The following ARHGEF28 variants were observed in gnomAD, a reference collection of about 807,000 sequenced individuals.
The protein encoded by ARHGEF28 is 190 kDa guanine nucleotide exchange factor.
ARHGEF28 carries 152 observed loss-of-function variants against 206.6 expected under a neutral mutation model. The ratio of observed to expected loss-of-function variants is 0.74; its 90% CI spans 0.64 to 0.84. The LOEUF (loss-of-function observed/expected upper bound fraction) is 0.84. Ranked by LOEUF, ARHGEF28 falls within the 40% of genes least tolerant of loss-of-function variation. The pLI is 0.00. For missense variants in ARHGEF28, 2,028 were observed against 2,073.2 expected (o/e 0.98, Z 0.42); for synonymous variants, 763 against 776.4 (o/e 0.98, Z 0.29).
intron 4 of ARHGEF28, among the ~76,000 whole-genome samples, chr5:73,770,881 C>T (rs566394624): frequency 1.3e-5 from 2 of 152,314 alleles, no homozygotes; most frequent in Admixed American, 1.3e-4. Context: ...GTTTACTGTT[C>T]TCTCTCATTG....
intron 1 of ARHGEF28, among the ~76,000 whole-genome samples, chr5:73,642,609 GT>G (rs754984018): frequency 5.4e-5 from 8 of 147,658 alleles, no homozygotes; most frequent in Non-Finnish European, 1.0e-4. Context: ...TTTTTTTTTT[GT>G]TCTGTTCTAC....
intron 1 of ARHGEF28, among the ~76,000 whole-genome samples, chr5:73,645,296 G>A (rs1047365943): frequency 2.0e-5 from 3 of 152,104 alleles, no homozygotes; most frequent in Non-Finnish European, 4.4e-5. Context: ...GACTGCAGAC[G>A]TGTACTGTAT....
Position 73,809,519 on chromosome 5 carries a change from A to G in ARHGEF28, c.1024+14128A>G, listed in dbSNP as rs546657111. Among the ~76,000 whole-genome samples, 13 of 152,314 alleles carry G rather than the reference A, an allele frequency of 8.5e-5. No homozygotes were observed. The South Asian group carries it at 2.7e-3, about 32-fold the overall frequency. On this transcript the variant is annotated intron_variant, in intron 9 of 35. Coordinates refer to ENST00000513042, the MANE Select transcript of ARHGEF28 (RefSeq NM_001177693.2). ...GATTTTTCTTTTTAGCTTGTGGTGC[A>G]CTAAAAATGTAAGACACAGTTCTTG... is the stretch of plus-strand genomic sequence containing the variant.
chr5:73,919,827 G>C (rs1763421313), intron 35 of ARHGEF28, among the ~76,000 whole-genome samples: 1 of 152,174 alleles, frequency 6.6e-6, no homozygotes, highest in Non-Finnish European at 1.5e-5. Context: ...TCATGGTTCA[G>C]CATCGCCAGA....
rs565625804 is a variant in ARHGEF28, at chr5:73,681,827, T to G, written c.-11-3014T>G. 3.9e-5 allele frequency among the ~76,000 whole-genome samples: 6 copies of G among 151,996 alleles called. No individual in the cohort carries two copies. In the East Asian group the frequency reaches 1.2e-3, roughly 29 times the overall value. On this transcript the variant is annotated intron_variant, in intron 1 of 35. Transcript: ENST00000513042. ...GAAACTCTGTCTCAAAAAAAAAAATTGATGATTATTTTCTGTAATCCCAGC... is the reference window on the plus strand; with the variant it reads ...GAAACTCTGTCTCAAAAAAAAAAATGGATGATTATTTTCTGTAATCCCAGC...
chr5:73,870,024 C>T lies in ARHGEF28; in HGVS notation c.2426-45C>T, dbSNP rs772417129. On this transcript the variant is annotated intron_variant, in intron 20 of 35. Coordinates refer to ENST00000513042, the MANE Select transcript of ARHGEF28 (RefSeq NM_001177693.2). ...ACAAATATACGAAGGTATATTTGTGCTGCATTATTGTACTTCTGGCTTTTC... is the reference window on the plus strand; with the variant it reads ...ACAAATATACGAAGGTATATTTGTGTTGCATTATTGTACTTCTGGCTTTTC... The T allele has an allele frequency of 4.4e-6, 7 of 1,589,976 alleles. No homozygotes were observed. In the East Asian group the frequency reaches 1.6e-4, roughly 36 times the overall value.
chr5:73,896,329 G>A (rs552226870), intron 29 of ARHGEF28, among the ~76,000 whole-genome samples: 1 of 152,336 alleles, frequency 6.6e-6, no homozygotes, highest in East Asian at 1.9e-4. Context: ...GGAGGCCAGA[G>A]TAGCAGATGT....
intron 2 of ARHGEF28, among the ~76,000 whole-genome samples, chr5:73,689,551 C>A (rs1355214007): frequency 1.3e-5 from 2 of 152,062 alleles, no homozygotes; most frequent in Non-Finnish European, 2.9e-5. Context: ...CCCTGAGTTG[C>A]AGTTGCAGAA....
intron 2 of ARHGEF28, among the ~76,000 whole-genome samples, chr5:73,740,007 A>AG (rs1437324213): frequency 1.5e-5 from 1 of 67,564 alleles, no homozygotes; most frequent in African/African-American, 6.3e-5. Context: ...TGTCTCTACC[A>AG]AAAAAAAAAA....
At chr5:73,874,737 A>G (rs1760346104) in intron 22 of ARHGEF28, among the ~76,000 whole-genome samples, 1 of 151,080 alleles carries the variant, frequency 6.6e-6, no homozygotes, top group Admixed American at 6.6e-5. Flanking sequence ...GTCCCTACAA[A>G]GGACATGAAC....
At chr5:73,745,446 T>G (rs888741841) in intron 2 of ARHGEF28, among the ~76,000 whole-genome samples, 1 of 152,068 alleles carries the variant, frequency 6.6e-6, no homozygotes, top group African/African-American at 2.4e-5. Context: ...ACCTTTTTGG[T>G]TCTCTGGGAA....
chr5:73,808,071 A>G (rs1397141596), intron 9 of ARHGEF28, among the ~76,000 whole-genome samples: 1 of 152,174 alleles, frequency 6.6e-6, no homozygotes, highest in African/African-American at 2.4e-5. Context: ...TTGTTCAAAT[A>G]AATAAAGGTA....
intron 22 of ARHGEF28, among the ~76,000 whole-genome samples, chr5:73,875,037 A>C (rs527970246): frequency 6.6e-4 from 100 of 151,426 alleles, no homozygotes; most frequent in Non-Finnish European, 1.9e-4. Context: ...TCCCACCAAC[A>C]GTGTAAAAGT....
chr5:73,875,263 G>A (rs1270630357), intron 22 of ARHGEF28, among the ~76,000 whole-genome samples: 1 of 151,686 alleles, frequency 6.6e-6, no homozygotes, highest in Non-Finnish European at 1.5e-5. Context: ...TTTTGATGGG[G>A]TTGTTTGTTT....
chr5:73,879,626 TTAG>T (rs1292922081), intron 22 of ARHGEF28, among the ~76,000 whole-genome samples: 2 of 152,204 alleles, frequency 1.3e-5, no homozygotes, highest in African/African-American at 4.8e-5. Flanking sequence ...TTTCTGTTTG[TTAG>T]TTTTCCTTCT....
At chr5:73,646,476 C>G (rs911613667) in intron 1 of ARHGEF28, among the ~76,000 whole-genome samples, 1 of 152,278 alleles carries the variant, frequency 6.6e-6, no homozygotes, top group African/African-American at 2.4e-5. Flanking sequence ...GCAGCATGTT[C>G]CTTGGTGTTC....
chr5:73,660,646 C>G (rs899324897), intron 1 of ARHGEF28, among the ~76,000 whole-genome samples: 1 of 152,142 alleles, frequency 6.6e-6, no homozygotes, highest in Non-Finnish European at 1.5e-5. Flanking sequence ...ACTCGTTGAT[C>G]CTTGGGCTGC....
intron 1 of ARHGEF28, among the ~76,000 whole-genome samples, chr5:73,642,156 T>A (rs774946028): frequency 1.3e-5 from 2 of 152,320 alleles, no homozygotes; most frequent in South Asian, 4.1e-4. Flanking sequence ...TTCCACTCAA[T>A]CCACTCAACT....
intron 9 of ARHGEF28, among the ~76,000 whole-genome samples, chr5:73,802,522 G>T (rs960252906): frequency 2.0e-5 from 3 of 152,032 alleles, no homozygotes; most frequent in Non-Finnish European, 4.4e-5. Flanking sequence ...TAAGATCCTT[G>T]ACCCCAAATA....
Sources: gnomAD v4.1 joint callset for allele counts (sites outside exome capture counted in the v4.1 genomes callset) on GRCh38, gnomAD v4.1.1 for gene constraint, MANE v1.5 for transcripts, NCBI Gene and HGNC (gene_info 2026-07-23, HGNC 2026-07-21) for gene names.